DHX16: variants seen among roughly 807,000 people sequenced by gnomAD.
DHX16 encodes DEAH-box helicase 16, also known as pre-mRNA-splicing factor ATP-dependent RNA helicase DHX16.
DHX16 carries 81 observed loss-of-function variants against 131.2 expected under a neutral mutation model. That is an observed-to-expected ratio of 0.62 (90% CI 0.52 to 0.74). DHX16 has a LOEUF of 0.74. Among genes scored for constraint, DHX16 ranks in the 30% least tolerant of loss-of-function variants. The pLI is 0.00. For missense variants in DHX16, 980 were observed against 1,363.1 expected, an observed-to-expected ratio of 0.72 and a Z score of 4.43; for synonymous variants, 440 against 520.2, an observed-to-expected ratio of 0.85 and a Z score of 2.10.
chr6:30,672,975 TC>T lies in DHX16; in HGVS notation c.-135del. On this transcript the variant is annotated 5_prime_UTR_variant, in exon 1 of 20. It introduces an in-frame stop codon into an upstream open reading frame of the 5' UTR. Coordinates refer to ENST00000376442, the MANE Select transcript of DHX16 (RefSeq NM_003587.5). ...AGCTACCTTGGGACCTCTAGGATCT[TC>T]CGACATCCCAAAGCTGTCTTCCCGT... 1 of 1,551,906 alleles carries T rather than the reference TC, an allele frequency of 6.4e-7. No homozygotes were observed. Among genetic ancestry groups the T allele is most frequent in the Non-Finnish European group, 8.7e-7 (1 of 1,147,170 alleles).
intron 7 of DHX16, 27 bp from the exon 8 acceptor site, chr6:30,663,048 T>C: frequency 1.3e-6 from 2 of 1,577,148 alleles, no homozygotes; most frequent in East Asian, 2.2e-5. Context: ...AAAGAAGAAG[T>C]TTGCCCTTTA....
chr6:30,668,850 A>G (rs1405218092), intron 4 of DHX16, among the ~76,000 whole-genome samples: 2 of 152,150 alleles, frequency 1.3e-5, no homozygotes. Context: ...TCACGCCTAT[A>G]ATCCCAGCAC....
chr6:30,672,527 G>T, intron 1 of DHX16, 108 bp downstream of exon 1: 1 of 1,043,634 alleles, frequency 9.6e-7, no homozygotes, highest in African/African-American at 1.6e-5. Flanking sequence ...ACGCGACAAC[G>T]GACAAAGAAT....
chr6:30,658,003 T>C (rs1008869371), intron 12 of DHX16, among the ~76,000 whole-genome samples: 3 of 152,234 alleles, frequency 2.0e-5, no homozygotes, highest in African/African-American at 7.2e-5. Flanking sequence ...TGTTCATCAC[T>C]GTATCATCAA....
intron 12 of DHX16, among the ~76,000 whole-genome samples, chr6:30,658,739 T>A (rs1768206930): frequency 6.6e-6 from 1 of 151,714 alleles, no homozygotes; most frequent in Admixed American, 6.6e-5. Context: ...AAGTCCAAAC[T>A]TTCCTGTCAT....
At chr6:30,668,421 G>C (rs560064702) in intron 4 of DHX16, among the ~76,000 whole-genome samples, 1 of 152,040 alleles carries the variant, frequency 6.6e-6, no homozygotes, top group African/African-American at 2.4e-5. Context: ...GAGACCGAGG[G>C]GGGTGGATCG....
At chr6:30,666,271 C>T (rs1199236698) in intron 4 of DHX16, among the ~76,000 whole-genome samples, 3 of 152,210 alleles carry the variant, frequency 2.0e-5, no homozygotes, top group African/African-American at 7.2e-5. Context: ...ACTACAGCAT[C>T]AGAGTGTTTC....
Position 30,662,495 on chromosome 6 carries a change from C to A in DHX16, c.1544+132G>T. ...TCTCTTCTGTCCTCCAGCCCCATCTCCGTGGTACCTGGAGGTCAGTTCAAG... is the reference window on the plus strand; with the variant it reads ...TCTCTTCTGTCCTCCAGCCCCATCTACGTGGTACCTGGAGGTCAGTTCAAG... On this transcript the variant is annotated intron_variant, in intron 9 of 19. Coordinates refer to ENST00000376442, the MANE Select transcript of DHX16 (RefSeq NM_003587.5). This position sits in a 1 kb window ranked among gnomAD's most constrained non-coding sequence, Gnocchi z 4.7. 1.4e-6 allele frequency: 1 copy of A among 707,016 alleles called. No homozygotes were observed. 43.8% of individuals were successfully genotyped at this position (707,016 alleles called of 1,614,324 possible).
At position 30,662,960 on chromosome 6, in the gene DHX16, C is replaced by A; in HGVS notation, c.1379G>T (p.Ser460Ile). 1.2e-6 allele frequency: 2 copies of A among 1,613,368 alleles called. No homozygotes were observed. Among genetic ancestry groups the A allele is most frequent in the Non-Finnish European group, 1.7e-6 (2 of 1,180,042 alleles). Residue 460 changes from serine (S) to isoleucine (I), a missense_variant, in exon 8 of 20, where the codon AGT becomes ATT. Coordinates refer to ENST00000376442, the MANE Select transcript of DHX16 (RefSeq NM_003587.5). The surrounding 1 kb of genome is among the most constrained non-coding windows in gnomAD (Gnocchi z 4.7). ...CTQPRRVAAM[S>I]VAARVAREMG... ...CTCCCGGGCCACTCGGGCGGCCACA[C>A]TCATGGCAGCCACTCTCCGGGGTTG...
At chr6:30,666,968 A>G (rs968847958) in intron 4 of DHX16, among the ~76,000 whole-genome samples, 1 of 152,150 alleles carries the variant, frequency 6.6e-6, no homozygotes, top group Non-Finnish European at 1.5e-5. Context: ...AGAGCCAGAT[A>G]GATTTTTTTT....
intron 4 of DHX16, among the ~76,000 whole-genome samples, chr6:30,667,489 G>A (rs1443004590): frequency 1.3e-5 from 2 of 151,650 alleles, no homozygotes; most frequent in Non-Finnish European, 2.9e-5. Flanking sequence ...GGCTGAGGCA[G>A]GAGAATGGCA....
chr6:30,671,395 T>C, intron 1 of DHX16, 121 bp from the exon 2 acceptor site: 1 of 884,968 alleles, frequency 1.1e-6, no homozygotes, highest in Admixed American at 2.2e-5. Flanking sequence ...CCGGCCCCAC[T>C]GTCAGGCAAT....
intron 19 of DHX16, among the ~76,000 whole-genome samples, chr6:30,653,776 A>G (rs1767689758): frequency 6.6e-6 from 1 of 152,186 alleles, no homozygotes; most frequent in South Asian, 2.1e-4. Context: ...CAAAGGGCAG[A>G]TACACCTCTG....
At chr6:30,664,701 G>A (rs1768847079) in intron 7 of DHX16, 100 bp downstream of exon 7, 2 of 1,063,366 alleles carry the variant, frequency 1.9e-6, no homozygotes, top group Admixed American at 2.5e-5. Flanking sequence ...GGAAAAGATA[G>A]GTAAGTGACT....
Position 30,665,488 on chromosome 6 carries a change from G to T in DHX16, c.912C>A (p.Thr304=), listed in dbSNP as rs1383569226. 3 of 1,612,604 alleles carry T rather than the reference G, an allele frequency of 1.9e-6. No homozygotes were observed. The African/African-American group carries it at 4.0e-5, about 22-fold the overall frequency. ...CGCCGCTTCACCTCACCTGTCCTCG[G>T]GTTTCCTTGGGCATGTGGTAGCGAT... ...ATNRYHMPKE[T]RGQPARAVDL... The change falls in exon 5 of 20, where the codon ACC becomes ACA. Residue 304 remains threonine, a synonymous_variant. Transcript: ENST00000376442. This position sits in a 1 kb window ranked among gnomAD's most constrained non-coding sequence, Gnocchi z 4.8.
chr6:30,659,736 C>T lies in DHX16; in HGVS notation c.1854G>A (p.Gln618=). The change falls in exon 11 of 20, where the codon CAG becomes CAA. Residue 618 remains glutamine (Q), a splice_region_variant and synonymous_variant. Transcript: ENST00000376442. ...PGDILVFLTG[Q]EEIEAACEML... Reference sequence around the variant, plus strand: ...CCCCTCTCCCCACCATGTCAGGCACCTGTCCTGTCAGGAACACCAGGATAT... The same window carrying T: ...CCCCTCTCCCCACCATGTCAGGCACTTGTCCTGTCAGGAACACCAGGATAT... The T allele has an allele frequency of 6.2e-7, 1 of 1,613,788 alleles. No individual in the cohort carries two copies. The highest frequency in any genetic ancestry group is 8.5e-7 in the Non-Finnish European group (1 of 1,179,750).
Position 30,665,833 on chromosome 6 carries a change from G to A in DHX16, c.667-100C>T. The A allele has an allele frequency of 2.0e-6, 3 of 1,464,332 alleles. No individual in the cohort carries two copies. Among genetic ancestry groups the A allele is most frequent in the Non-Finnish European group, 2.7e-6 (3 of 1,096,094 alleles). 90.7% of individuals were successfully genotyped at this position (1,464,332 alleles called of 1,614,324 possible). On this transcript the variant is annotated intron_variant, in intron 4 of 19. Coordinates refer to ENST00000376442, the MANE Select transcript of DHX16 (RefSeq NM_003587.5). The surrounding 1 kb of genome is among the most constrained non-coding windows in gnomAD (Gnocchi z 4.8). ...GAAAAATCCCCTGACAGGCAGGCAT[G>A]AGAACCTCAGGATGCACCCTCTACC...
chr6:30,668,388 C>A (rs1038011400), intron 4 of DHX16, among the ~76,000 whole-genome samples: 4 of 152,186 alleles, frequency 2.6e-5, no homozygotes, highest in Non-Finnish European at 4.4e-5. Context: ...CAGTGGCTCA[C>A]GCCTGTAATC....
chr6:30,657,046 C>T lies in DHX16; in HGVS notation c.2054G>A (p.Gly685Asp). ...CCCTGGATCCAGCACATAAATGATG[C>T]CCTCAATGGTGAGTGATGTCTCAGC... ...NIAETSLTIE[G>D]IIYVLDPGFC... The change falls in exon 13 of 20, where the codon GGC becomes GAC. Residue 685 changes from glycine (G) to aspartate (D), a missense_variant. Coordinates refer to ENST00000376442, the MANE Select transcript of DHX16 (RefSeq NM_003587.5). 6.2e-7 allele frequency: 1 copy of T among 1,613,034 alleles called. No homozygotes were observed. The highest frequency in any genetic ancestry group is 1.1e-5 in the South Asian group (1 of 91,086).
Sources: gnomAD v4.1 joint callset for allele counts (sites outside exome capture counted in the v4.1 genomes callset) on GRCh38, gnomAD v4.1.1 for gene constraint, Gnocchi (gnomAD v3.1) non-coding constraint, MANE v1.5 for transcripts, NCBI Gene and HGNC (gene_info 2026-07-23, HGNC 2026-07-21) for gene names.